Variants in MPST observed in about 807,000 individuals in gnomAD.
MPST encodes 3-mercaptopyruvate sulfurtransferase.
In MPST, 27 loss-of-function variants were observed where a neutral mutation model predicts 28.5. The observed-to-expected ratio is 0.95, with a 90% CI of 0.70 to 1.31. The LOEUF (loss-of-function observed/expected upper bound fraction) is 1.31. Among genes scored for constraint, MPST ranks in the 50% most tolerant of loss-of-function variants. MPST has a pLI of 0.00. For missense variants in MPST, 492 were observed against 471.1 expected, an observed-to-expected ratio of 1.04 and a Z score of -0.41; for synonymous variants, 204 against 209.3, an observed-to-expected ratio of 0.97 and a Z score of 0.22.
Position 37,024,305 on chromosome 22 carries a change from G to C in MPST, c.150G>C (p.Gln50His). Residue 50 changes from glutamine (Q) to histidine (H), a missense_variant, in exon 2 of 3, where the codon CAG becomes CAC. Gln to His is a conservative substitution (Grantham distance 24). Transcript: ENST00000429360. ...CCCCGCGCGCTGGGCAGCCTCTGCA[G>C]CTGCTGGACGCCTCCTGGTACCTGC... ...LRAPRAGQPLQLLDASWYLPK... is the reference protein window; with the variant it reads ...LRAPRAGQPLHLLDASWYLPK... The C allele has an allele frequency of 6.5e-7, 1 of 1,529,522 alleles. No homozygotes were observed. Among genetic ancestry groups the C allele is most frequent in the Non-Finnish European group, 8.8e-7 (1 of 1,141,806 alleles). 94.7% of individuals were successfully genotyped at this position (1,529,522 alleles called of 1,614,324 possible).
chr22:37,024,456 C>T lies in MPST; in HGVS notation c.301C>T (p.His101Tyr), dbSNP rs1923337567. The T allele has an allele frequency of 6.4e-7, 1 of 1,550,682 alleles. No homozygotes were observed. The highest frequency in any genetic ancestry group is 1.4e-5 in the African/African-American group (1 of 73,504). The change falls in exon 2 of 3, where the codon CAT becomes TAT. Residue 101 changes from histidine (H) to tyrosine (Y), a missense_variant. His to Tyr is a moderately conservative substitution (Grantham distance 83, BLOSUM62 2). Coordinates refer to ENST00000429360, the MANE Select transcript of MPST (RefSeq NM_021126.8). ...CGACCACATGCTGCCCGGGGCCGAG[C>T]ATTTCGCGGAGTACGCAGGCCGCCT... ...PYDHMLPGAE[H>Y]FAEYAGRLGV...
At position 37,024,722 on chromosome 22, in the gene MPST, C is replaced by T; in HGVS notation, c.567C>T (p.Ile189=). Reference sequence around the variant, plus strand: ...CCTTCATCAAGACCTACGAGGACATCAAGGAGAACCTGGAATCCCGGCGCT... The same window carrying T: ...CCTTCATCAAGACCTACGAGGACATTAAGGAGAACCTGGAATCCCGGCGCT... The part of the protein sequence containing the change: ...DPAFIKTYED[I]KENLESRRFQ... The change falls in exon 2 of 3, where the codon ATC becomes ATT. Residue 189 remains isoleucine, a synonymous_variant. Coordinates refer to ENST00000429360, the MANE Select transcript of MPST (RefSeq NM_021126.8). 6.2e-7 allele frequency: 1 copy of T among 1,600,554 alleles called. No homozygotes were observed. The highest frequency in any genetic ancestry group is 8.5e-7 in the Non-Finnish European group (1 of 1,179,824).
chr22:37,025,159 C>T (rs1372022979), intron 2 of MPST: 6 of 1,337,408 alleles, frequency 4.5e-6, no homozygotes, highest in African/African-American at 1.5e-5. Context: ...CCACTTGCCT[C>T]GGTGACTTTG....
At chr22:37,020,534 A>G (rs1478947784) in intron 1 of MPST, among the ~76,000 whole-genome samples, 1 of 152,214 alleles carries the variant, frequency 6.6e-6, no homozygotes, top group African/African-American at 2.4e-5. Flanking sequence ...GTATTTAACA[A>G]CCAGTTGGCA....
intron 2 of MPST, chr22:37,027,506 C>G (rs1231525173): frequency 6.6e-6 from 1 of 152,170 alleles, no homozygotes; most frequent in Non-Finnish European, 1.5e-5. Flanking sequence ...GGGAGGATCC[C>G]TTGAGCCCAG....
At chr22:37,028,143 A>G (rs1279685120) in intron 2 of MPST, 2 of 152,188 alleles carry the variant, frequency 1.3e-5, no homozygotes, top group East Asian at 3.8e-4. Context: ...GCTTACTCCT[A>G]TATTCCCAGC....
chr22:37,019,763 G>A lies in MPST; in HGVS notation c.-74G>A. On this transcript the variant is annotated 5_prime_UTR_variant, in exon 1 of 3. Transcript: ENST00000429360. ...GGCTGTGCCGGAGTCTCCTCCCTTTGGTCCGCTGCAGGTTGGTGGCGGGAG... is the reference window on the plus strand; with the variant it reads ...GGCTGTGCCGGAGTCTCCTCCCTTTAGTCCGCTGCAGGTTGGTGGCGGGAG... 1 of 648,278 alleles carries A rather than the reference G, an allele frequency of 1.5e-6. No homozygotes were observed. Among genetic ancestry groups the A allele is most frequent in the Non-Finnish European group, 2.2e-6 (1 of 454,838 alleles). 40.2% of individuals were successfully genotyped at this position (648,278 alleles called of 1,614,324 possible).
At chr22:37,027,411 A>G (rs1438368988) in intron 2 of MPST, 1 of 152,186 alleles carries the variant, frequency 6.6e-6, no homozygotes, top group East Asian at 1.9e-4. Context: ...TTTCTGCTAC[A>G]ATCAAAATGA....
chr22:37,024,202 C>G lies in MPST; in HGVS notation c.47C>G (p.Pro16Arg). 1 of 1,379,594 alleles carries G rather than the reference C, an allele frequency of 7.2e-7. No homozygotes were observed. The highest frequency in any genetic ancestry group is 9.3e-7 in the Non-Finnish European group (1 of 1,074,716). The allele number at this position is 1,379,594 out of a possible 1,614,324, so 85.5% of individuals were successfully genotyped here. ...CTCCCTGTCGCCCAGGCCCGCAGCC[C>G]GAGTGTCGCCGCCATGGCTTCGCCG... ...SRESETRARS[P>R]SVAAMASPQL... Residue 16 changes from proline to arginine, a missense_variant, in exon 2 of 3, where the codon CCG becomes CGG. Coordinates refer to ENST00000429360, the MANE Select transcript of MPST (RefSeq NM_021126.8).
intron 1 of MPST, among the ~76,000 whole-genome samples, chr22:37,022,576 T>C (rs1435374730): frequency 6.6e-6 from 1 of 152,192 alleles, no homozygotes; most frequent in African/African-American, 2.4e-5. Context: ...AAGTCCAGCC[T>C]GAGGGGTCAA....
intron 1 of MPST, 162 bp downstream of exon 1, chr22:37,020,034 T>G: frequency 2.4e-4 from 70 of 296,078 alleles, no homozygotes; most frequent in Middle Eastern, 9.5e-4. Context: ...ACTGTCCGCT[T>G]GGGGCGGCCT....
intron 1 of MPST, 60 bp downstream of exon 1, chr22:37,019,932 G>A (rs1922933224): frequency 5.6e-6 from 5 of 885,678 alleles, no homozygotes; most frequent in Non-Finnish European, 6.0e-6. Flanking sequence ...CTCTTTGGGG[G>A]TGCTCGGCGC....
intron 1 of MPST, 47 bp from the exon 2 acceptor site, chr22:37,024,145 C>T: frequency 2.2e-6 from 3 of 1,362,216 alleles, no homozygotes; most frequent in Non-Finnish European, 1.9e-6. Flanking sequence ...CTAGCCCCAA[C>T]AGCGGCCTCT....
rs1303620800 is a variant in MPST at position 37,024,609 on chromosome 22, C to T, written c.454C>T (p.Leu152Phe). Residue 152 changes from leucine (L) to phenylalanine (F), a missense_variant, in exon 2 of 3, where the codon CTC (leucine) becomes TTC (phenylalanine). Leu to Phe is a conservative substitution (Grantham distance 22). Coordinates refer to ENST00000429360, the MANE Select transcript of MPST (RefSeq NM_021126.8). The stretch of plus-strand genomic sequence containing the variant: ...CGCCGTGTCACTGCTTGATGGCGGC[C>T]TCCGCCACTGGCTGCGCCAGAACCT... ...HHAVSLLDGG[L>F]RHWLRQNLPL... 3.8e-6 allele frequency: 6 copies of T among 1,594,834 alleles called. No individual in the cohort carries two copies. The African/African-American group carries it at 4.0e-5, about 11-fold the overall frequency.
intron 2 of MPST, 195 bp from the exon 3 acceptor site, chr22:37,029,021 C>T (rs1478788434): frequency 1.7e-6 from 1 of 598,962 alleles, no homozygotes; most frequent in Non-Finnish European, 2.9e-6. Context: ...ACCTCAGCAT[C>T]ACCGTGTATA....
At chr22:37,023,981 G>A in intron 1 of MPST, 1 of 1,457,530 alleles carries the variant, frequency 6.9e-7, no homozygotes, top group Non-Finnish European at 9.1e-7. Context: ...GGGTCACTCG[G>A]AGCTTGTGTT....
chr22:37,025,007 G>A (rs1923419472), intron 2 of MPST, 197 bp downstream of exon 2: 4 of 1,485,916 alleles, frequency 2.7e-6, no homozygotes, highest in Admixed American at 2.0e-5. Context: ...CACAGGGTCT[G>A]GCTCTACCGC....
In MPST at chr22:37,024,247, TGTC is replaced by T; in HGVS notation, c.94_96del (p.Ser32del). On this transcript the variant is annotated inframe_deletion, in exon 2 of 3. Coordinates refer to ENST00000429360, the MANE Select transcript of MPST (RefSeq NM_021126.8). Reference sequence around the variant, plus strand: ...TCGCCGCAGCTCTGCCGCGCGCTGGTGTCGGCGCAATGGGTGGCGGAGGCGCTG... The same window carrying T: ...TCGCCGCAGCTCTGCCGCGCGCTGGTGGCGCAATGGGTGGCGGAGGCGCTG... The T allele has an allele frequency of 7.0e-7, 1 of 1,429,534 alleles. No homozygotes were observed. 88.6% of individuals were successfully genotyped at this position (1,429,534 alleles called of 1,614,324 possible). A position where few individuals can be genotyped will look rare whatever the true frequency, so the allele number is the denominator to read the frequency against.
intron 2 of MPST, chr22:37,025,048 C>T: frequency 6.7e-7 from 1 of 1,496,270 alleles, no homozygotes; most frequent in South Asian, 1.2e-5. Context: ...ACAATCATGG[C>T]TCACTGCAGC....
Sources: gnomAD v4.1 joint callset for allele counts (sites outside exome capture counted in the v4.1 genomes callset) on GRCh38, gnomAD v4.1.1 for gene constraint, MANE v1.5 for transcripts, NCBI Gene and HGNC (gene_info 2026-07-23, HGNC 2026-07-21) for gene names.